OXCT1: variants seen among roughly 807,000 people sequenced by gnomAD.
OXCT1 encodes the protein succinyl-CoA:3-ketoacid coenzyme A transferase 1, mitochondrial.
A neutral mutation model predicts 69.6 loss-of-function variants in OXCT1; 27 were observed. The observed-to-expected ratio is 0.39, with a 90% CI of 0.29 to 0.54. The LOEUF (loss-of-function observed/expected upper bound fraction) is 0.54. Ranked by LOEUF, OXCT1 falls within the 20% of genes least tolerant of loss-of-function variation. OXCT1 has a pLI of 0.72. For synonymous variants in OXCT1, 202 were observed against 217.8 expected, an observed-to-expected ratio of 0.93 and a Z score of 0.64; for missense variants, 437 against 650.2, an observed-to-expected ratio of 0.67 and a Z score of 3.57.
intron 2 of OXCT1, among the ~76,000 whole-genome samples, chr5:41,862,136 G>A (rs1484361697): frequency 2.0e-5 from 3 of 152,114 alleles, no homozygotes; most frequent in African/African-American, 4.8e-5. Context: ...GCTTGAACCC[G>A]AGAGGCAGAG....
chr5:41,869,147 T>G (rs1750151575), intron 1 of OXCT1, among the ~76,000 whole-genome samples: 1 of 152,168 alleles, frequency 6.6e-6, no homozygotes. Flanking sequence ...TAAGAGGCAT[T>G]TAAGAGTAAA....
At chr5:41,739,666 C>A in intron 15 of OXCT1, 175 bp from the exon 16 acceptor site, 1 of 573,834 alleles carries the variant, frequency 1.7e-6, no homozygotes, top group Non-Finnish European at 3.2e-6. Flanking sequence ...GAGATCGAGA[C>A]CATCCTGGCT....
chr5:41,863,129 T>G (rs2112476911), intron 1 of OXCT1, among the ~76,000 whole-genome samples: 1 of 152,322 alleles, frequency 6.6e-6, no homozygotes, highest in Non-Finnish European at 1.5e-5. Flanking sequence ...TCTCATAGTC[T>G]AATTTGTAAA....
intron 13 of OXCT1, among the ~76,000 whole-genome samples, chr5:41,773,574 C>A (rs1744981073): frequency 1.3e-5 from 2 of 151,968 alleles, no homozygotes; most frequent in African/African-American, 4.8e-5. Context: ...GCACTCCAGC[C>A]TGGGCTACAG....
intron 11 of OXCT1, among the ~76,000 whole-genome samples, chr5:41,798,466 A>G (rs1309729093): frequency 6.6e-6 from 1 of 152,076 alleles, no homozygotes; most frequent in Non-Finnish European, 1.5e-5. Flanking sequence ...CCTGGCCTCT[A>G]CCTACTAGAT....
chr5:41,738,752 G>A (rs991350936), intron 16 of OXCT1, among the ~76,000 whole-genome samples: 4 of 152,172 alleles, frequency 2.6e-5, no homozygotes, highest in Non-Finnish European at 4.4e-5. Flanking sequence ...TTATATTAAA[G>A]AGCAATTATT....
intron 8 of OXCT1, among the ~76,000 whole-genome samples, chr5:41,806,349 G>T (rs1423933868): frequency 1.3e-5 from 2 of 151,996 alleles, no homozygotes; most frequent in African/African-American, 4.8e-5. Context: ...CTATTCTGTT[G>T]CTGATCCCTA....
In OXCT1 at chr5:41,762,832, A is replaced by T. The variant is rs1173450303; in HGVS notation, c.1249-632T>A. On this transcript the variant is annotated intron_variant, in intron 13 of 16. Transcript: ENST00000196371. This position sits in a 1 kb window ranked among gnomAD's most constrained non-coding sequence, Gnocchi z 4.0. ...TTTCACCATTATCATTCTATTTTTGATCATCTGGCCATCCCTTCATTCATT... is the reference window on the plus strand; with the variant it reads ...TTTCACCATTATCATTCTATTTTTGTTCATCTGGCCATCCCTTCATTCATT... 6.6e-6 allele frequency among the ~76,000 whole-genome samples: 1 copy of T among 152,062 alleles called. No individual in the cohort carries two copies. The highest frequency in any genetic ancestry group is 6.6e-5 in the Admixed American group (1 of 15,240).
intron 1 of OXCT1, among the ~76,000 whole-genome samples, chr5:41,868,288 G>T (rs1214638880): frequency 6.6e-6 from 1 of 152,238 alleles, no homozygotes; most frequent in African/African-American, 2.4e-5. Flanking sequence ...GATCTATGCA[G>T]AGTAGTGTGT....
At chr5:41,794,811 A>T in intron 11 of OXCT1, 62 bp from the exon 12 acceptor site, 1 of 1,549,252 alleles carries the variant, frequency 6.5e-7, no homozygotes, top group South Asian at 1.1e-5. Flanking sequence ...TATCATGGTG[A>T]ACAGAGGTCC....
chr5:41,760,523 G>A (rs932881688), intron 14 of OXCT1, among the ~76,000 whole-genome samples: 1 of 152,006 alleles, frequency 6.6e-6, no homozygotes, highest in Non-Finnish European at 1.5e-5. Flanking sequence ...GACTTGGGTG[G>A]AAGAAAAGAA....
intron 11 of OXCT1, among the ~76,000 whole-genome samples, chr5:41,796,120 G>A (rs1746169725): frequency 6.6e-6 from 1 of 152,076 alleles, no homozygotes; most frequent in Non-Finnish European, 1.5e-5. Flanking sequence ...AGGTCCCCTT[G>A]GAAGGACATC....
chr5:41,868,172 ATAAC>A (rs913459695), intron 1 of OXCT1, among the ~76,000 whole-genome samples: 3 of 152,244 alleles, frequency 2.0e-5, no homozygotes, highest in African/African-American at 7.2e-5. Context: ...ATTTAAGAAA[ATAAC>A]TATCTCGTTT....
chr5:41,742,388 T>C (rs1743212169), intron 15 of OXCT1, among the ~76,000 whole-genome samples: 1 of 152,242 alleles, frequency 6.6e-6, no homozygotes, highest in South Asian at 2.1e-4. Context: ...GAGATAAATG[T>C]TAATTACTTT....
chr5:41,867,502 G>A (rs1393601214), intron 1 of OXCT1, among the ~76,000 whole-genome samples: 1 of 152,210 alleles, frequency 6.6e-6, no homozygotes, highest in Admixed American at 6.5e-5. Context: ...ATTTCAGAAA[G>A]AGGCACACAT....
chr5:41,794,097 G>A lies in OXCT1; in HGVS notation c.1173-19C>T. On this transcript the variant is annotated intron_variant, in intron 12 of 16. Coordinates refer to ENST00000196371, the MANE Select transcript of OXCT1 (RefSeq NM_000436.4). ...GTGTCCACTGAGAAAGAAAGAGGAA[G>A]AATAAAGTGAACCTCATAAGCTTTT... 2 of 1,583,708 alleles carry A rather than the reference G, an allele frequency of 1.3e-6. No homozygotes were observed. The highest frequency in any genetic ancestry group is 1.7e-4 in the Middle Eastern group (1 of 6,010).
intron 5 of OXCT1, among the ~76,000 whole-genome samples, chr5:41,843,906 T>C (rs1465228622): frequency 2.6e-5 from 4 of 152,328 alleles, no homozygotes; most frequent in African/African-American, 9.6e-5. Flanking sequence ...CTATAGGAAC[T>C]AAGATAAATT....
In OXCT1 at chr5:41,857,518, G is replaced by A. The variant is rs144518928; in HGVS notation, c.278+3796C>T. ...CTGATTGGGTTCAGCCACTCTGACC[G>A]GGTTCACCCAATGGGAGGCACCATC... On this transcript the variant is annotated intron_variant, in intron 3 of 16. Transcript: ENST00000196371. Among the ~76,000 whole-genome samples the A allele has an allele frequency of 4.7e-4, 71 of 152,240 alleles. No homozygotes were observed. In the East Asian group the frequency reaches 6.2e-3, roughly 13 times the overall value.
chr5:41,849,330 C>T (rs181755589), intron 5 of OXCT1, among the ~76,000 whole-genome samples: 20 of 152,284 alleles, frequency 1.3e-4, no homozygotes, highest in African/African-American at 2.4e-4. Flanking sequence ...TAACTTTCTT[C>T]GGCCATTTGG....
Sources: allele counts gnomAD v4.1 joint callset (sites outside exome capture counted in the v4.1 genomes callset), GRCh38; gene constraint gnomAD v4.1.1; non-coding constraint Gnocchi (gnomAD v3.1); transcripts MANE v1.5; gene names NCBI Gene and HGNC (gene_info 2026-07-23, HGNC 2026-07-21).